The following SCFD1 variants were observed in gnomAD, a reference collection of about 807,000 sequenced individuals.
SCFD1 encodes the protein sec1 family domain containing 1, also known as sec1 family domain-containing protein 1.
Under a neutral mutation model 103.2 loss-of-function variants are expected in SCFD1, and 37 were observed. The observed-to-expected ratio is 0.36, with a 90% CI of 0.28 to 0.47. The LOEUF is 0.47. Ranked by LOEUF, SCFD1 falls within the 20% of genes least tolerant of loss-of-function variation. The probability of loss-of-function intolerance (pLI) is 1.00; values close to 1 mark genes in which losing one functional copy is unlikely to be tolerated. For missense variants in SCFD1, 639 were observed against 761.2 expected (o/e 0.84, Z 1.89); for synonymous variants, 264 against 245.0 (o/e 1.08, Z -0.73).
At chr14:30,639,653 T>C in intron 5 of SCFD1, 124 bp from the exon 6 acceptor site, 2 of 1,005,844 alleles carry the variant, frequency 2.0e-6, no homozygotes, top group East Asian at 3.2e-5. Flanking sequence ...GTACAATTTT[T>C]AGTTATTGAA....
intron 9 of SCFD1, among the ~76,000 whole-genome samples, chr14:30,653,257 C>T (rs111312121): frequency 2.6e-5 from 4 of 152,080 alleles, no homozygotes; most frequent in Admixed American, 1.3e-4. Flanking sequence ...GCTATGATCG[C>T]GCCACTGCAC....
At chr14:30,691,874 GT>G (rs1371250350) in intron 14 of SCFD1, among the ~76,000 whole-genome samples, 1 of 152,130 alleles carries the variant, frequency 6.6e-6, no homozygotes, top group East Asian at 1.9e-4. Context: ...AGTGAGCCAT[GT>G]TTTTTTACTG....
chr14:30,699,451 G>T (rs1890925804), intron 15 of SCFD1, among the ~76,000 whole-genome samples: 1 of 152,140 alleles, frequency 6.6e-6, no homozygotes, highest in African/African-American at 2.4e-5. Flanking sequence ...ATACATGATA[G>T]AAGAACAGAC....
intron 1 of SCFD1, among the ~76,000 whole-genome samples, chr14:30,625,471 TA>T (rs1883295519): frequency 6.6e-6 from 1 of 152,130 alleles, no homozygotes; most frequent in Admixed American, 6.5e-5. Flanking sequence ...TTAGAGCCAA[TA>T]AGAAAAATGG....
intron 10 of SCFD1, among the ~76,000 whole-genome samples, chr14:30,663,511 A>G (rs1175483581): frequency 2.0e-5 from 3 of 152,208 alleles, no homozygotes; most frequent in Non-Finnish European, 4.4e-5. Context: ...AGGATTAAGT[A>G]AAGTCACTTT....
intron 1 of SCFD1, among the ~76,000 whole-genome samples, chr14:30,626,838 G>T (rs768644751): frequency 6.6e-6 from 1 of 152,184 alleles, no homozygotes; most frequent in Non-Finnish European, 1.5e-5. Context: ...ATGTATCACT[G>T]AAGTACAATC....
chr14:30,650,683 TTAAAA>T (rs1481566694), intron 9 of SCFD1, 33 bp downstream of exon 9: 12 of 1,220,286 alleles, frequency 9.8e-6, no homozygotes, highest in Non-Finnish European at 1.3e-5. Flanking sequence ...TTGTAAGACT[TTAAAA>T]TATTTGTAGA....
At chr14:30,730,570 T>G (rs1893382153) in intron 23 of SCFD1, among the ~76,000 whole-genome samples, 1 of 152,210 alleles carries the variant, frequency 6.6e-6, no homozygotes, top group Non-Finnish European at 1.5e-5. Context: ...GTGAGATGTA[T>G]CTCATTGTGG....
chr14:30,622,439 C>G, intron 1 of SCFD1, 40 bp downstream of exon 1: 2 of 1,548,524 alleles, frequency 1.3e-6, no homozygotes, highest in Non-Finnish European at 1.7e-6. Context: ...TTCGTGACTG[C>G]CCCGACGACA....
chr14:30,669,077 A>G (rs1485747799), intron 10 of SCFD1, among the ~76,000 whole-genome samples: 1 of 151,952 alleles, frequency 6.6e-6, no homozygotes, highest in Non-Finnish European at 1.5e-5. Flanking sequence ...AATTTTTCAA[A>G]TCCTGCTTTT....
In SCFD1 at chr14:30,639,806, T is replaced by C. The variant is rs770481203; in HGVS notation, c.465T>C (p.Thr155=). The C allele has an allele frequency of 1.0e-5, 16 of 1,580,788 alleles. No homozygotes were observed. Among genetic ancestry groups the C allele is most frequent in the Middle Eastern group, 1.7e-4 (1 of 5,840 alleles). The change falls in exon 6 of 25, where the codon ACT becomes ACC. Residue 155 remains threonine (T), a synonymous_variant. Coordinates refer to ENST00000458591, the MANE Select transcript of SCFD1 (RefSeq NM_016106.4). ...TTGACCAATATCTCAATTTTATTAC[T>C]TTGGAAGATGATATGTTTGTATTAT... ...KVFDQYLNFI[T]LEDDMFVLCN...
intron 15 of SCFD1, among the ~76,000 whole-genome samples, chr14:30,695,535 A>T (rs1457486914): frequency 6.6e-6 from 1 of 152,166 alleles, no homozygotes; most frequent in African/African-American, 2.4e-5. Flanking sequence ...GAACAAAAAA[A>T]TATAAACGTA....
chr14:30,656,212 C>T (rs904649708), intron 10 of SCFD1, among the ~76,000 whole-genome samples: 1 of 152,078 alleles, frequency 6.6e-6, no homozygotes, highest in African/African-American at 2.4e-5. Flanking sequence ...GTCTGGTCCT[C>T]AGCCTCCCAA....
chr14:30,671,480 C>G (rs1221441499), intron 11 of SCFD1, among the ~76,000 whole-genome samples: 1 of 151,816 alleles, frequency 6.6e-6, no homozygotes, highest in Admixed American at 6.6e-5. Flanking sequence ...TTGGCATTCC[C>G]TAATAGAGAA....
intron 2 of SCFD1, 45 bp downstream of exon 2, chr14:30,628,324 C>A: frequency 7.8e-7 from 1 of 1,287,806 alleles, no homozygotes. Context: ...TTTTCTCAGC[C>A]CTTATTGGTG....
At chr14:30,682,989 A>T in intron 14 of SCFD1, 1 of 844,388 alleles carries the variant, frequency 1.2e-6, no homozygotes, top group Non-Finnish European at 1.8e-6. Flanking sequence ...AAAAAAAGAC[A>T]GACCATCTAA....
rs1405157655 is a variant in SCFD1, at chr14:30,722,660, C to G, written c.1836+101C>G. 12 of 602,650 alleles carry G rather than the reference C, an allele frequency of 2.0e-5. No individual in the cohort carries two copies. The Admixed American group carries it at 4.0e-4, about 20-fold the overall frequency. The allele number at this position is 602,650 out of a possible 1,614,324, so 37.3% of individuals were successfully genotyped here. On this transcript the variant is annotated intron_variant, in intron 23 of 24. Transcript: ENST00000458591. ...TCCTGATCCTTCTATAACTTCTTTTCTAAAAGGTAGTTTTAAAATCATGCA... is the reference window on the plus strand; with the variant it reads ...TCCTGATCCTTCTATAACTTCTTTTGTAAAAGGTAGTTTTAAAATCATGCA...
Position 30,633,599 on chromosome 14 carries a change from C to T in SCFD1, c.222-348C>T, listed in dbSNP as rs74876650. Among the ~76,000 whole-genome samples, 837 of 152,272 alleles carry T rather than the reference C, an allele frequency of 5.5e-3. 10 individuals carry two copies. The highest frequency in any genetic ancestry group is 0.018 in the African/African-American group (768 of 41,556). ...CACTTTCCTCACATTCACCCTTCCC[C>T]TCTGACCACCACATTTCTATGAAAA... On this transcript the variant is annotated intron_variant, in intron 3 of 24. Transcript: ENST00000458591.
chr14:30,622,458 C>T (rs929618806), intron 1 of SCFD1, 59 bp downstream of exon 1: 69 of 1,542,954 alleles, frequency 4.5e-5, no homozygotes, highest in Non-Finnish European at 5.8e-5. Context: ...CATCCTTCTC[C>T]TCTGGTGCGT....
Sources: gnomAD v4.1 joint callset for allele counts (sites outside exome capture counted in the v4.1 genomes callset) on GRCh38, gnomAD v4.1.1 for gene constraint, MANE v1.5 for transcripts, NCBI Gene and HGNC (gene_info 2026-07-23, HGNC 2026-07-21) for gene names.